The following SLC24A2 variants were observed in gnomAD, a reference collection of about 807,000 sequenced individuals.
SLC24A2 encodes sodium/potassium/calcium exchanger 2.
Under a neutral mutation model 62.0 loss-of-function variants are expected in SLC24A2, and 36 were observed. That is an observed-to-expected ratio of 0.58 (90% CI 0.44 to 0.77). The LOEUF is 0.77. Among genes scored for constraint, SLC24A2 ranks in the 30% least tolerant of loss-of-function variants. SLC24A2 has a pLI of 0.00. For synonymous variants in SLC24A2, 358 were observed against 294.0 expected (o/e 1.22, Z -2.23); for missense variants, 846 against 817.9 (o/e 1.03, Z -0.42).
intron 10 of SLC24A2, among the ~76,000 whole-genome samples, chr9:19,519,207 G>A (rs1414940766): frequency 6.6e-6 from 1 of 152,016 alleles, no homozygotes; most frequent in Non-Finnish European, 1.5e-5. Flanking sequence ...GCTTTAAAAT[G>A]GAAAAATAAA....
At chr9:19,776,158 A>T (rs899429011) in intron 2 of SLC24A2, among the ~76,000 whole-genome samples, 1 of 152,240 alleles carries the variant, frequency 6.6e-6, no homozygotes, top group Non-Finnish European at 1.5e-5. Context: ...AAAACATTTG[A>T]AAGTCACTGA....
At chr9:20,002,302 C>T in the SLC24A2 span, among the ~76,000 whole-genome samples, 1 of 151,618 alleles carries the variant, frequency 6.6e-6, no homozygotes, top group African/African-American at 2.4e-5. Context: ...GCACAAAAGG[C>T]TGCCATGTTA....
chr9:20,085,301 A>G, the SLC24A2 span, among the ~76,000 whole-genome samples: 12 of 152,204 alleles, frequency 7.9e-5, no homozygotes, highest in African/African-American at 2.9e-4. Flanking sequence ...AGCTGGCCCC[A>G]AGGTCTGTTT....
chr9:19,771,500 T>C (rs1822687232), intron 2 of SLC24A2, among the ~76,000 whole-genome samples: 1 of 152,206 alleles, frequency 6.6e-6, no homozygotes, highest in African/African-American at 2.4e-5. Flanking sequence ...CCCTTCATAG[T>C]AAGCATCAAA....
intron 4 of SLC24A2, among the ~76,000 whole-genome samples, chr9:19,601,032 G>A (rs112156511): frequency 0.011 from 1,630 of 152,212 alleles, 40 homozygotes; most frequent in African/African-American, 0.036. Context: ...CAAGAGGATT[G>A]TAAAACGCAC....
chr9:19,945,536 C>T, the SLC24A2 span, among the ~76,000 whole-genome samples: 1 of 152,174 alleles, frequency 6.6e-6, no homozygotes, highest in African/African-American at 2.4e-5. Context: ...GGTAATTCTC[C>T]CTTTGCTATT....
chr9:19,879,909 C>T, the SLC24A2 span, among the ~76,000 whole-genome samples: 2 of 151,996 alleles, frequency 1.3e-5, no homozygotes, highest in African/African-American at 4.8e-5. Context: ...TATAAAAATG[C>T]CCTTTCTACA....
the SLC24A2 span, among the ~76,000 whole-genome samples, chr9:20,285,568 A>G: frequency 2.0e-5 from 3 of 152,188 alleles, no homozygotes; most frequent in Non-Finnish European, 4.4e-5. Flanking sequence ...CCTTTAACTC[A>G]TAGGATGAGG....
the SLC24A2 span, among the ~76,000 whole-genome samples, chr9:19,953,788 A>G: frequency 1.7e-3 from 254 of 152,176 alleles, 1 homozygote; most frequent in African/African-American, 5.6e-3. Flanking sequence ...CATACTGCCT[A>G]TTTGTTTTAC....
At chr9:19,577,088 G>C (rs1836039419) in intron 5 of SLC24A2, 66 bp from the exon 6 acceptor site, 1 of 1,280,978 alleles carries the variant, frequency 7.8e-7, no homozygotes. Flanking sequence ...GGGCCAAGCA[G>C]GTATGTGGCC....
chr9:19,624,018 T>A (rs1425008882), intron 2 of SLC24A2, among the ~76,000 whole-genome samples: 1 of 152,178 alleles, frequency 6.6e-6, no homozygotes, highest in Non-Finnish European at 1.5e-5. Flanking sequence ...AGAACTGGAG[T>A]GGACAGGAAA....
At chr9:19,680,528 TC>T (rs35143777) in intron 2 of SLC24A2, among the ~76,000 whole-genome samples, 57,636 of 151,570 alleles carry the variant, frequency 0.38, 13,341 homozygotes, top group East Asian at 0.75. Context: ...CAACTTTCGC[TC>T]ATTAAAATGG....
At position 19,538,740 on chromosome 9, in the gene SLC24A2, C is replaced by T. The variant is rs947713611; in HGVS notation, c.1480-10602G>A. ...TCATAAAATGAGTTAGGGAGGATTC[C>T]CTCTTTTTCTATTGATTGGAATAGT... is the stretch of plus-strand genomic sequence containing the variant. On this transcript the variant is annotated intron_variant, in intron 8 of 10. Coordinates refer to ENST00000341998, the MANE Select transcript of SLC24A2 (RefSeq NM_020344.4). Among the ~76,000 whole-genome samples, 7 of 131,362 alleles carry T rather than the reference C, an allele frequency of 5.3e-5. 1 individual carries two copies. The highest frequency in any genetic ancestry group is 2.1e-4 in the African/African-American group (7 of 33,894). 86.2% of individuals were successfully genotyped at this position (131,362 alleles called of 152,430 possible). A position where few individuals can be genotyped will look rare whatever the true frequency, so the allele number is the denominator to read the frequency against.
the SLC24A2 span, among the ~76,000 whole-genome samples, chr9:20,106,430 G>A: frequency 4.9e-4 from 75 of 152,138 alleles, 1 homozygote; most frequent in South Asian, 1.9e-3. Context: ...CTTGATGAAC[G>A]TTGATGCAAA....
the SLC24A2 span, among the ~76,000 whole-genome samples, chr9:20,234,845 A>G: frequency 3.3e-5 from 5 of 151,774 alleles, no homozygotes; most frequent in Non-Finnish European, 7.4e-5. Flanking sequence ...TTTTTTTCCC[A>G]TCTTTGTGGT....
At chr9:20,092,968 G>A in the SLC24A2 span, among the ~76,000 whole-genome samples, 1 of 152,036 alleles carries the variant, frequency 6.6e-6, no homozygotes, top group Non-Finnish European at 1.5e-5. Context: ...ATGAAATCAT[G>A]GCCAACATAA....
chr9:20,032,944 C>A, the SLC24A2 span, among the ~76,000 whole-genome samples: 2 of 152,034 alleles, frequency 1.3e-5, no homozygotes, highest in Middle Eastern at 3.2e-3. Context: ...TCCGATTTCC[C>A]TTTTTACAGC....
At chr9:19,771,520 T>C (rs1282193603) in intron 2 of SLC24A2, among the ~76,000 whole-genome samples, 1 of 152,190 alleles carries the variant, frequency 6.6e-6, no homozygotes, top group African/African-American at 2.4e-5. Context: ...AAGAGCAGCC[T>C]GGCTGCTCAT....
chr9:20,254,863 T>A, the SLC24A2 span, among the ~76,000 whole-genome samples: 1 of 152,088 alleles, frequency 6.6e-6, no homozygotes, highest in African/African-American at 2.4e-5. Flanking sequence ...CCTGGCGGAA[T>A]GTGAAGGAGG....
Sources: allele counts gnomAD v4.1 joint callset (sites outside exome capture counted in the v4.1 genomes callset), GRCh38; gene constraint gnomAD v4.1.1; transcripts MANE v1.5; gene names NCBI Gene and HGNC (gene_info 2026-07-23, HGNC 2026-07-21).